DIDO1: variants seen among roughly 807,000 people sequenced by gnomAD.
The protein encoded by DIDO1 is death inducer-obliterator 1.
A neutral mutation model predicts 99.4 loss-of-function variants in DIDO1; 16 were observed. The observed-to-expected ratio is 0.16, with a 90% CI of 0.11 to 0.24. The LOEUF is 0.24. Among genes scored for constraint, DIDO1 ranks in the 10% least tolerant of loss-of-function variants. The pLI, the probability that DIDO1 is intolerant of heterozygous loss-of-function variation, is 1.00. For missense variants in DIDO1, 2,996 were observed against 3,014.0 expected, an observed-to-expected ratio of 0.99 and a Z score of 0.14; for synonymous variants, 1,366 against 1,239.1, an observed-to-expected ratio of 1.10 and a Z score of -2.15.
Position 62,894,556 on chromosome 20 carries a change from AG to A in DIDO1, c.2437-9del. Reference sequence around the variant, plus strand: ...TGCTGACTCTTGCTGTTCCTAAAAAAGAAAAAGAAAAAAAAGTGAGGTCGTT... The same window carrying A: ...TGCTGACTCTTGCTGTTCCTAAAAAAAAAAAGAAAAAAAAGTGAGGTCGTT... On this transcript the variant is annotated splice_polypyrimidine_tract_variant and intron_variant, in intron 10 of 15. Coordinates refer to ENST00000395343, the MANE Select transcript of DIDO1 (RefSeq NM_001193369.2). The surrounding 1 kb of genome is among the most constrained non-coding windows in gnomAD (Gnocchi z 4.4). 3 of 1,603,928 alleles carry A rather than the reference AG, an allele frequency of 1.9e-6. No homozygotes were observed. The highest frequency in any genetic ancestry group is 2.5e-6 in the Non-Finnish European group (3 of 1,176,790).
intron 4 of DIDO1, among the ~76,000 whole-genome samples, chr20:62,908,888 A>T (rs2064864738): frequency 6.6e-6 from 1 of 152,242 alleles, no homozygotes; most frequent in Non-Finnish European, 1.5e-5. Context: ...ATATTTAAAA[A>T]ATAAAGACAT....
At position 62,897,009 on chromosome 20, in the gene DIDO1, A is replaced by G. The variant is rs2064549777; in HGVS notation, c.1589-13T>C. Reference sequence around the variant, plus strand: ...TCTTCCTTCGTGGCTACAAAGAAGAACACAGGCGCTGAGTAAGGGAGGACA... The same window carrying G: ...TCTTCCTTCGTGGCTACAAAGAAGAGCACAGGCGCTGAGTAAGGGAGGACA... On this transcript the variant is annotated splice_polypyrimidine_tract_variant and intron_variant, in intron 6 of 15. Coordinates refer to ENST00000395343, the MANE Select transcript of DIDO1 (RefSeq NM_001193369.2). 6.2e-7 allele frequency: 1 copy of G among 1,602,964 alleles called. No homozygotes were observed. Among genetic ancestry groups the G allele is most frequent in the Non-Finnish European group, 8.5e-7 (1 of 1,174,498 alleles).
At chr20:62,935,857 C>T (rs759324168) in intron 1 of DIDO1, among the ~76,000 whole-genome samples, 188 of 152,282 alleles carry the variant, frequency 1.2e-3, no homozygotes, top group Non-Finnish European at 2.2e-3. Context: ...GACATCCTGG[C>T]AATCCAAAAA....
chr20:62,934,829 T>G (rs1213244054), intron 1 of DIDO1, among the ~76,000 whole-genome samples: 1 of 152,200 alleles, frequency 6.6e-6, no homozygotes, highest in East Asian at 1.9e-4. Flanking sequence ...GGACACCCTG[T>G]GGCTTCAGGG....
rs747557642 is a variant in DIDO1 at position 62,907,252 on chromosome 20, T to C, written c.1269A>G (p.Ala423=). 6 of 1,614,130 alleles carry C rather than the reference T, an allele frequency of 3.7e-6. No homozygotes were observed. Among genetic ancestry groups the C allele is most frequent in the East Asian group, 2.2e-5 (1 of 44,898 alleles). ...CTGAGCTTAGAAACTTCATTGTCGCTGCGGCGTGTTTGAGGATACAGTCAT... is the reference window on the plus strand; with the variant it reads ...CTGAGCTTAGAAACTTCATTGTCGCCGCGGCGTGTTTGAGGATACAGTCAT... ...CSNDCILKHA[A]ATMKFLSSGK... Residue 423 remains alanine (A), a synonymous_variant, in exon 5 of 16, where the codon GCA becomes GCG. Transcript: ENST00000395343.
At position 62,880,818 on chromosome 20, in the gene DIDO1, C is replaced by T; in HGVS notation, c.5138G>A (p.Ser1713Asn). 1 of 1,612,868 alleles carries T rather than the reference C, an allele frequency of 6.2e-7. No individual in the cohort carries two copies. The highest frequency in any genetic ancestry group is 8.5e-7 in the Non-Finnish European group (1 of 1,179,990). ...CCCCTCTGTTTCACCTGCAGGGCTG[C>T]TGCTCCTTCCAGCAGAATGAAGATT... ...PRNLHSAGRS[S>N]SPAGETEGDR... is the part of the protein sequence containing the mutation. The change falls in exon 16 of 16, where the codon AGC (serine) becomes AAC (asparagine). Residue 1713 changes from serine to asparagine, a missense_variant. Ser to Asn is a conservative substitution (Grantham distance 46, BLOSUM62 1). Around this residue, in one of 5 missense-constraint regions of DIDO1, gnomAD observed 1,562 missense variants for 1,412.6 expected, o/e 1.11. Transcript: ENST00000395343.
chr20:62,937,716 G>T, intron 1 of DIDO1: 1 of 397,464 alleles, frequency 2.5e-6, no homozygotes, highest in South Asian at 1.3e-4. Context: ...CCCGTCTGAG[G>T]GGCGGCCGCG....
chr20:62,907,448 C>T, intron 4 of DIDO1, 89 bp from the exon 5 acceptor site: 1 of 1,241,510 alleles, frequency 8.1e-7, no homozygotes, highest in Non-Finnish European at 1.1e-6. Flanking sequence ...ATTTATAGTA[C>T]CAAGGCCACA....
chr20:62,909,277 CA>C (rs1376540153), intron 4 of DIDO1, among the ~76,000 whole-genome samples: 1 of 152,220 alleles, frequency 6.6e-6, no homozygotes, highest in Non-Finnish European at 1.5e-5. Context: ...TCATAAACAT[CA>C]GGGGGAGAGA....
chr20:62,919,445 C>G (rs904585205), intron 1 of DIDO1, among the ~76,000 whole-genome samples: 5 of 151,720 alleles, frequency 3.3e-5, no homozygotes, highest in African/African-American at 1.2e-4. Flanking sequence ...GAGGCTGAGG[C>G]AGGAGAATCA....
At chr20:62,914,562 A>C (rs774686083) in intron 1 of DIDO1, among the ~76,000 whole-genome samples, 156 bp from the exon 2 acceptor site, 2 of 152,250 alleles carry the variant, frequency 1.3e-5, no homozygotes, top group Non-Finnish European at 2.9e-5. Context: ...GCACGCAAGC[A>C]GTGTCCTTAA....
At position 62,880,913 on chromosome 20, in the gene DIDO1, G is replaced by A; in HGVS notation, c.5043C>T (p.Asp1681=). 6.2e-7 allele frequency: 1 copy of A among 1,610,830 alleles called. No individual in the cohort carries two copies. The highest frequency in any genetic ancestry group is 8.5e-7 in the Non-Finnish European group (1 of 1,179,898). ...ACGCGAACCCCGGGCAGGTGAAAGG[G>A]TCCCTCTCACCGTCGTGCTGCAGCG... is the stretch of plus-strand genomic sequence containing the variant. ...GFPLQHDGER[D]PFTCPGFASQ... is the part of the protein sequence containing the mutation. Residue 1681 remains aspartate (D), a synonymous_variant, in exon 16 of 16, where the codon GAC becomes GAT. Transcript: ENST00000395343.
At chr20:62,903,678 C>T (rs2064736254) in intron 6 of DIDO1, among the ~76,000 whole-genome samples, 1 of 152,224 alleles carries the variant, frequency 6.6e-6, no homozygotes, top group African/African-American at 2.4e-5. Context: ...TACGGGATAA[C>T]AAAACGAGCA....
At chr20:62,891,472 C>T (rs1346097695) in intron 14 of DIDO1, among the ~76,000 whole-genome samples, 1 of 152,098 alleles carries the variant, frequency 6.6e-6, no homozygotes, top group Non-Finnish European at 1.5e-5. Context: ...GTGAACCTGA[C>T]GAAGACTACA....
rs780083138 is a variant in DIDO1 at position 62,894,239 on chromosome 20, A to G, written c.2573-45T>C. On this transcript the variant is annotated intron_variant, in intron 11 of 15. Transcript: ENST00000395343. This position sits in a 1 kb window ranked among gnomAD's most constrained non-coding sequence, Gnocchi z 4.4. The stretch of plus-strand genomic sequence containing the variant: ...GCTCTGTGAGAAACCCAGCCGGCAC[A>G]CTGGTGTTTCTCACACAAAGCCGAA... 1.9e-6 allele frequency: 3 copies of G among 1,594,290 alleles called. No homozygotes were observed. Among genetic ancestry groups the G allele is most frequent in the East Asian group, 4.5e-5 (2 of 44,562 alleles).
chr20:62,918,997 C>T (rs978669921), intron 1 of DIDO1, among the ~76,000 whole-genome samples: 3 of 152,144 alleles, frequency 2.0e-5, no homozygotes, highest in African/African-American at 7.2e-5. Context: ...CCAAATGCGA[C>T]GTGTTCTCCA....
At chr20:62,899,563 T>A (rs6011457) in intron 6 of DIDO1, among the ~76,000 whole-genome samples, 92,944 of 152,138 alleles carry the variant, frequency 0.61, 30,367 homozygotes, top group African/African-American at 0.85. Context: ...AGTACATGGG[T>A]TTAAAACCAC....
chr20:62,882,235 GCTT>G lies in DIDO1; in HGVS notation c.3718_3720del (p.Lys1240del). On this transcript the variant is annotated inframe_deletion, in exon 16 of 16. Transcript: ENST00000395343. ...GCAGAGCAGAGTGGATACTTGGAGG[GCTT>G]CTTTTCCGACTGCGGGACTGTGGCT... 6.2e-7 allele frequency: 1 copy of G among 1,613,892 alleles called. No homozygotes were observed. Among genetic ancestry groups the G allele is most frequent in the South Asian group, 1.1e-5 (1 of 91,084 alleles).
At chr20:62,895,244 G>T in intron 8 of DIDO1, 79 bp from the exon 9 acceptor site, 2 of 1,354,738 alleles carry the variant, frequency 1.5e-6, no homozygotes, top group Non-Finnish European at 2.1e-6. Flanking sequence ...AAACACAGCT[G>T]CCCAGAAGTT....
Sources: allele counts gnomAD v4.1 joint callset (sites outside exome capture counted in the v4.1 genomes callset), GRCh38; gene constraint gnomAD v4.1.1; regional missense constraint gnomAD v4.1.1; non-coding constraint Gnocchi (gnomAD v3.1); transcripts MANE v1.5; gene names NCBI Gene and HGNC (gene_info 2026-07-23, HGNC 2026-07-21).